SEMA3D: variants seen among roughly 807,000 people sequenced by gnomAD.
SEMA3D encodes semaphorin-3D.
In SEMA3D, 84 loss-of-function variants were observed where a neutral mutation model predicts 100.1. The ratio of observed to expected loss-of-function variants is 0.84; its 90% confidence interval spans 0.70 to 1.01. The LOEUF (loss-of-function observed/expected upper bound fraction) is 1.01. SEMA3D is among the 50% of genes least tolerant of loss of function. SEMA3D has a pLI of 0.00. For missense variants in SEMA3D, 875 were observed against 934.1 expected, an observed-to-expected ratio of 0.94 and a Z score of 0.82; for synonymous variants, 312 against 320.7, an observed-to-expected ratio of 0.97 and a Z score of 0.29.
chr7:85,178,601 GC>G (rs141581790), intron 1 of SEMA3D, among the ~76,000 whole-genome samples: 232 of 152,168 alleles, frequency 1.5e-3, no homozygotes, highest in African/African-American at 5.4e-3. Context: ...TTTCTAACTG[GC>G]AAAGGGCTCA....
intron 2 of SEMA3D, among the ~76,000 whole-genome samples, chr7:85,148,455 AT>A (rs1790276563): frequency 2.0e-5 from 3 of 152,172 alleles, no homozygotes; most frequent in Admixed American, 2.0e-4. Context: ...TCCAGATAAG[AT>A]TTCTACTAAC....
At chr7:85,176,244 A>G (rs936988005) in intron 1 of SEMA3D, among the ~76,000 whole-genome samples, 16 of 152,146 alleles carry the variant, frequency 1.1e-4, no homozygotes, top group African/African-American at 3.4e-4. Flanking sequence ...TTTTAAATTT[A>G]TTTTGTGTAA....
the SEMA3D span, among the ~76,000 whole-genome samples, chr7:85,213,612 A>G: frequency 6.6e-6 from 1 of 151,398 alleles, no homozygotes; most frequent in African/African-American, 2.5e-5. Flanking sequence ...CAGTGTCTGT[A>G]TTTCTTCACA....
chr7:85,221,820 T>C, the SEMA3D span, among the ~76,000 whole-genome samples: 1 of 152,044 alleles, frequency 6.6e-6, no homozygotes, highest in African/African-American at 2.4e-5. Flanking sequence ...TGTCAAATTC[T>C]CCTTTGATTA....
At chr7:85,184,418 A>G (rs1462156591) in intron 1 of SEMA3D, among the ~76,000 whole-genome samples, 2 of 152,192 alleles carry the variant, frequency 1.3e-5, no homozygotes, top group African/African-American at 2.4e-5. Flanking sequence ...TTTTTTTTTA[A>G]GAATTACGGT....
intron 15 of SEMA3D, among the ~76,000 whole-genome samples, chr7:85,016,248 T>G (rs1237825860): frequency 7.8e-6 from 1 of 127,554 alleles, no homozygotes; most frequent in Non-Finnish European, 1.6e-5. Flanking sequence ...CCTTTGTGAT[T>G]CCTTTTTTTT....
At chr7:85,179,089 A>G (rs896808740) in intron 1 of SEMA3D, among the ~76,000 whole-genome samples, 11 of 152,242 alleles carry the variant, frequency 7.2e-5, no homozygotes, top group South Asian at 2.1e-4. Flanking sequence ...TCCTGGCAGA[A>G]GTCTGCTGCA....
intron 8 of SEMA3D, among the ~76,000 whole-genome samples, chr7:85,058,210 T>G (rs1432395850): frequency 2.0e-5 from 3 of 152,132 alleles, no homozygotes; most frequent in Non-Finnish European, 4.4e-5. Flanking sequence ...TGGTATGGTT[T>G]TTCAAAAATA....
rs557468764 is a variant in SEMA3D, at chr7:85,082,315, T to C, written c.313-736A>G. Among the ~76,000 whole-genome samples the C allele has an allele frequency of 2.7e-4, 41 of 152,354 alleles. 1 individual carries two copies. The highest frequency in any genetic ancestry group is 1.9e-3 in the South Asian group (9 of 4,832). ...CAAGGGCTCCAAACTCATTGGTTGATAGCTTTCAATTATGCTTCACGATCT... is the reference window on the plus strand; with the variant it reads ...CAAGGGCTCCAAACTCATTGGTTGACAGCTTTCAATTATGCTTCACGATCT... On this transcript the variant is annotated intron_variant, in intron 4 of 18. Coordinates refer to ENST00000284136, the MANE Select transcript of SEMA3D (RefSeq NM_001384900.1).
intron 2 of SEMA3D, among the ~76,000 whole-genome samples, chr7:85,136,266 A>C (rs906995158): frequency 1.4e-4 from 21 of 152,154 alleles, no homozygotes; most frequent in African/African-American, 5.1e-4. Flanking sequence ...AGTTTTTCAG[A>C]CAATGCTTCA....
intron 5 of SEMA3D, among the ~76,000 whole-genome samples, chr7:85,074,036 C>CAA (rs1444514357): frequency 6.6e-6 from 1 of 152,166 alleles, no homozygotes; most frequent in Non-Finnish European, 1.5e-5. Flanking sequence ...CTATCTCCTG[C>CAA]AAGTGATACT....
chr7:85,238,401 GT>G, the SEMA3D span, among the ~76,000 whole-genome samples: 1 of 152,094 alleles, frequency 6.6e-6, no homozygotes, highest in African/African-American at 2.4e-5. Flanking sequence ...AAATCTGCAG[GT>G]AAATTCATTT....
chr7:85,038,080 G>A (rs1194972403), intron 11 of SEMA3D, among the ~76,000 whole-genome samples: 1 of 151,768 alleles, frequency 6.6e-6, no homozygotes, highest in Non-Finnish European at 1.5e-5. Context: ...ACAGCATCTG[G>A]AGATACGTCT....
chr7:85,080,874 C>T (rs921241659), intron 5 of SEMA3D, among the ~76,000 whole-genome samples: 2 of 152,142 alleles, frequency 1.3e-5, no homozygotes, highest in Non-Finnish European at 2.9e-5. Flanking sequence ...AGTGTTTTCT[C>T]TGCTCTTCAA....
chr7:85,142,153 GA>G, intron 2 of SEMA3D: 1 of 984,546 alleles, frequency 1.0e-6, no homozygotes, highest in Non-Finnish European at 1.2e-6. Flanking sequence ...CAACATTGCT[GA>G]AAAGGACAAT....
chr7:85,133,621 G>T (rs938030202), intron 2 of SEMA3D, among the ~76,000 whole-genome samples: 3 of 151,926 alleles, frequency 2.0e-5, no homozygotes, highest in African/African-American at 7.2e-5. Flanking sequence ...GAATTTTCCA[G>T]GGATTGCTCA....
At chr7:85,151,588 T>C (rs1016856805) in intron 2 of SEMA3D, 32 of 913,980 alleles carry the variant, frequency 3.5e-5, no homozygotes, top group African/African-American at 4.6e-5. Context: ...TGTGTATGCA[T>C]GTGTGTATGC....
chr7:85,047,524 A>T (rs2116028185), intron 9 of SEMA3D, among the ~76,000 whole-genome samples: 1 of 151,956 alleles, frequency 6.6e-6, no homozygotes, highest in East Asian at 1.9e-4. Context: ...AGGATCCCTC[A>T]GTACTTTATA....
the SEMA3D span, among the ~76,000 whole-genome samples, chr7:85,210,710 T>A: frequency 6.6e-6 from 1 of 152,084 alleles, no homozygotes; most frequent in African/African-American, 2.4e-5. Flanking sequence ...AACTGGTTTA[T>A]CTATTGTAGA....
Sources: allele counts gnomAD v4.1 joint callset (sites outside exome capture counted in the v4.1 genomes callset), GRCh38; gene constraint gnomAD v4.1.1; transcripts MANE v1.5; gene names NCBI Gene and HGNC (gene_info 2026-07-23, HGNC 2026-07-21).